The following MAGI1 variants were observed in gnomAD, a reference collection of about 807,000 sequenced individuals.
MAGI1 encodes membrane-associated guanylate kinase, WW and PDZ domain-containing protein 1.
Under a neutral mutation model 139.9 loss-of-function variants are expected in MAGI1, and 58 were observed. The observed-to-expected ratio is 0.41, with a 90% CI of 0.34 to 0.52. The LOEUF (loss-of-function observed/expected upper bound fraction) is 0.52. Among genes scored for constraint, MAGI1 ranks in the 20% least tolerant of loss-of-function variants. The pLI, the probability that MAGI1 is intolerant of heterozygous loss-of-function variation, is 0.12. For missense variants in MAGI1, 1,874 were observed against 1,901.6 expected, an observed-to-expected ratio of 0.99 and a Z score of 0.27; for synonymous variants, 812 against 737.9, an observed-to-expected ratio of 1.10 and a Z score of -1.63.
intron 5 of MAGI1, among the ~76,000 whole-genome samples, chr3:65,466,352 T>A (rs1395330003): frequency 6.6e-6 from 1 of 152,146 alleles, no homozygotes; most frequent in African/African-American, 2.4e-5. Flanking sequence ...GGGGTCTGGA[T>A]CTTAAACCTT....
intron 7 of MAGI1, among the ~76,000 whole-genome samples, chr3:65,444,879 T>C (rs1478399508): frequency 1.3e-5 from 2 of 152,206 alleles, no homozygotes; most frequent in Non-Finnish European, 2.9e-5. Flanking sequence ...AGTTTCTCAC[T>C]TCCAATGTGG....
intron 1 of MAGI1, among the ~76,000 whole-genome samples, chr3:65,885,689 C>T (rs1385692003): frequency 6.6e-6 from 1 of 152,146 alleles, no homozygotes; most frequent in Non-Finnish European, 1.5e-5. Context: ...CTCTTGCCTG[C>T]CACCATGTAA....
chr3:65,684,167 C>CAAAAAAAAA (rs1163089641), intron 1 of MAGI1, among the ~76,000 whole-genome samples: 28 of 79,364 alleles, frequency 3.5e-4, no homozygotes, highest in African/African-American at 4.3e-4. Context: ...GAGACTGTCT[C>CAAAAAAAAA]AAAAAAAAAA....
intron 2 of MAGI1, among the ~76,000 whole-genome samples, chr3:65,527,552 C>T (rs994168080): frequency 3.9e-5 from 6 of 151,984 alleles, no homozygotes; most frequent in African/African-American, 9.7e-5. Context: ...GGTGAAACCC[C>T]GTCTCTACTA....
intron 1 of MAGI1, among the ~76,000 whole-genome samples, chr3:65,646,498 G>A (rs868515288): frequency 8.5e-5 from 13 of 152,066 alleles, no homozygotes; most frequent in African/African-American, 3.1e-4. Context: ...ATAATTGGTA[G>A]AATTAGAAAA....
chr3:65,699,695 G>C (rs1248772808), intron 1 of MAGI1, among the ~76,000 whole-genome samples: 1 of 139,380 alleles, frequency 7.2e-6, no homozygotes, highest in Non-Finnish European at 1.5e-5. Flanking sequence ...CATGGACACA[G>C]GAAGGGGAAT....
intron 1 of MAGI1, among the ~76,000 whole-genome samples, chr3:65,736,356 C>T (rs2034729019): frequency 6.6e-6 from 1 of 152,094 alleles, no homozygotes; most frequent in African/African-American, 2.4e-5. Context: ...AGTCAGGGCT[C>T]TCCAGAGAAA....
chr3:65,786,175 C>T (rs1019695653), intron 1 of MAGI1, among the ~76,000 whole-genome samples: 2 of 150,758 alleles, frequency 1.3e-5, no homozygotes, highest in African/African-American at 4.9e-5. Context: ...AGGCTGGTCT[C>T]GAACTTCTAA....
Position 65,437,238 on chromosome 3 carries a change from T to C in MAGI1, c.1280A>G (p.Glu427Gly), listed in dbSNP as rs758785638. Residue 427 changes from glutamate to glycine, a missense_variant, in exon 10 of 23, where the codon GAA becomes GGA. Physicochemically the swap from Glu to Gly is moderately conservative, Grantham distance 98 (BLOSUM62 -2). This residue lies in a region of MAGI1 where 648 missense variants were observed against 598.1 expected (regional missense o/e 1.08). Transcript: ENST00000402939. ...QQQQQTEEWT[E>G]DHSALVPPVI... ...AGGAGGCACAAGGGCTGAGTGATCT[T>C]CTGTCCATTCTATGAAAAAGAAAAG... 2 of 1,605,046 alleles carry C rather than the reference T, an allele frequency of 1.2e-6. No individual in the cohort carries two copies. Among genetic ancestry groups the C allele is most frequent in the East Asian group, 2.2e-5 (1 of 44,794 alleles).
intron 1 of MAGI1, among the ~76,000 whole-genome samples, chr3:65,677,801 G>A (rs954689889): frequency 2.0e-5 from 3 of 152,152 alleles, no homozygotes; most frequent in African/African-American, 7.2e-5. Context: ...CTAAATCACT[G>A]GAAGTGCTGC....
In MAGI1 at chr3:65,981,952, T is replaced by G. The variant is rs148835594; in HGVS notation, c.313+56044A>C. On this transcript the variant is annotated intron_variant, in intron 1 of 22. Coordinates refer to ENST00000402939, the MANE Select transcript of MAGI1 (RefSeq NM_001033057.2). Reference sequence around the variant, plus strand: ...AATACAGTATTAAATGCTCAAGAGATAGCATGTATGTATTTTACATAGAGT... The same window carrying G: ...AATACAGTATTAAATGCTCAAGAGAGAGCATGTATGTATTTTACATAGAGT... Among the ~76,000 whole-genome samples the G allele has an allele frequency of 2.6e-5, 4 of 152,324 alleles. No individual in the cohort carries two copies. The East Asian group carries it at 7.7e-4, about 29-fold the overall frequency.
chr3:65,917,041 T>G lies in MAGI1; in HGVS notation c.313+120955A>C, dbSNP rs528921779. On this transcript the variant is annotated intron_variant, in intron 1 of 22. Transcript: ENST00000402939. ...TTAAATTTATAATGTCAAAGGTAAT[T>G]GAAATAATCTGTTTTTATTTCTTAA... is the stretch of plus-strand genomic sequence containing the variant. Among the ~76,000 whole-genome samples the G allele has an allele frequency of 9.2e-5, 14 of 152,342 alleles. No individual in the cohort carries two copies. The South Asian group carries it at 1.7e-3, about 18-fold the overall frequency.
At chr3:65,569,840 G>A (rs999356) in intron 2 of MAGI1, among the ~76,000 whole-genome samples, 81,470 of 151,198 alleles carry the variant, frequency 0.54, 22,353 homozygotes, top group East Asian at 0.82. Flanking sequence ...GTACCACTGC[G>A]TTCCAGTCTG....
intron 1 of MAGI1, among the ~76,000 whole-genome samples, chr3:65,896,813 A>C (rs755281722): frequency 3.3e-5 from 5 of 152,190 alleles, no homozygotes; most frequent in Non-Finnish European, 7.3e-5. Flanking sequence ...TGACATGGCA[A>C]CCTGTTCATG....
chr3:65,702,696 G>A (rs928247679), intron 1 of MAGI1, among the ~76,000 whole-genome samples: 2 of 152,010 alleles, frequency 1.3e-5, no homozygotes, highest in Non-Finnish European at 2.9e-5. Context: ...ATTATTTTCT[G>A]TTAGGCCACC....
chr3:65,737,068 G>A (rs936638305), intron 1 of MAGI1, among the ~76,000 whole-genome samples: 5 of 151,794 alleles, frequency 3.3e-5, no homozygotes, highest in South Asian at 2.1e-4. Flanking sequence ...GCAGTGGCGC[G>A]ATCTCGGCTC....
intron 1 of MAGI1, among the ~76,000 whole-genome samples, chr3:66,017,664 T>C (rs1196734087): frequency 6.6e-6 from 1 of 152,090 alleles, no homozygotes; most frequent in African/African-American, 2.4e-5. Flanking sequence ...GTGCTAAGGA[T>C]GAAGGATGGT....
At chr3:65,611,048 C>A (rs904730475) in intron 2 of MAGI1, among the ~76,000 whole-genome samples, 10 of 132,866 alleles carry the variant, frequency 7.5e-5, no homozygotes, top group Non-Finnish European at 1.6e-4. Flanking sequence ...ATACTATATA[C>A]ATATATACAT....
intron 1 of MAGI1, among the ~76,000 whole-genome samples, chr3:65,748,102 A>G (rs1266092087): frequency 6.6e-6 from 1 of 152,254 alleles, no homozygotes; most frequent in Non-Finnish European, 1.5e-5. Flanking sequence ...GGAAAACCTA[A>G]GAGTCTCAGA....
Sources: gnomAD v4.1 joint callset for allele counts (sites outside exome capture counted in the v4.1 genomes callset) on GRCh38, gnomAD v4.1.1 for gene constraint, gnomAD v4.1.1 regional missense constraint, MANE v1.5 for transcripts, NCBI Gene and HGNC (gene_info 2026-07-23, HGNC 2026-07-21) for gene names.